DMD: variants seen among roughly 807,000 people sequenced by gnomAD.
DMD encodes the protein dystrophin, also known as mutant dystrophin.
Under a neutral mutation model 330.1 loss-of-function variants are expected in DMD, and 63 were observed. The ratio of observed to expected loss-of-function variants is 0.19; its 90% CI spans 0.16 to 0.24. The LOEUF (loss-of-function observed/expected upper bound fraction) is 0.24, where lower values mean the gene tolerates loss of function less well. Among genes scored for constraint, DMD ranks in the 10% least tolerant of loss-of-function variants. The pLI is 1.00. For synonymous variants in DMD, 1,223 were observed against 959.8 expected, an observed-to-expected ratio of 1.27 and a Z score of -5.07; for missense variants, 3,344 against 2,684.1, an observed-to-expected ratio of 1.25 and a Z score of -5.43.
intron 9 of DMD, among the ~76,000 whole-genome samples, chrX:32,680,013 C>A (rs1417588400): frequency 8.6e-5 from 8 of 93,165 alleles, no homozygotes; most frequent in African/African-American, 3.2e-4. Flanking sequence ...CTCTGGGGTT[C>A]AAGCGATTCT....
chrX:33,289,057 T>A (rs1463800752), intron 1 of DMD, among the ~76,000 whole-genome samples: 2 of 111,188 alleles, frequency 1.8e-5, no homozygotes, highest in African/African-American at 6.5e-5. Flanking sequence ...CTGTCAATTT[T>A]GAACAACAAA....
At chrX:31,664,177 C>T (rs1462760213) in intron 53 of DMD, among the ~76,000 whole-genome samples, 1 of 111,268 alleles carries the variant, frequency 9.0e-6, no homozygotes, top group African/African-American at 3.3e-5. Flanking sequence ...TTTTGCACTT[C>T]ACCATTACCT....
chrX:33,003,702 T>G (rs2093337533), intron 2 of DMD, among the ~76,000 whole-genome samples: 1 of 112,060 alleles, frequency 8.9e-6, no homozygotes, highest in Non-Finnish European at 1.9e-5. Flanking sequence ...ATATAAATAG[T>G]CTCTGAATAA....
chrX:31,473,388 G>C (rs1236597360), intron 59 of DMD, among the ~76,000 whole-genome samples: 3 of 101,084 alleles, frequency 3.0e-5, no homozygotes, highest in African/African-American at 1.1e-4. Flanking sequence ...ATTAAAAAAA[G>C]AGAAACCATG....
At chrX:32,581,078 G>A (rs948860427) in intron 13 of DMD, among the ~76,000 whole-genome samples, 3 of 111,439 alleles carry the variant, frequency 2.7e-5, no homozygotes, top group Admixed American at 1.9e-4. Context: ...TGCCCGCCTC[G>A]GCCTCGCAAA....
At position 32,207,627 on chromosome X, in the gene DMD, T is replaced by C. The variant is rs2097075808; in HGVS notation, c.6438+9289A>G. On this transcript the variant is annotated intron_variant, in intron 44 of 78. Coordinates refer to ENST00000357033, the MANE Select transcript of DMD (RefSeq NM_004006.3). ...TCTTCAATGAAATTATCTTGCGTGG[T>C]CATGTACTCGTTAAATTGCCCTGAC... Among the ~76,000 whole-genome samples, 4 of 112,104 alleles carry C rather than the reference T, an allele frequency of 3.6e-5. No homozygotes were observed. In the South Asian group the frequency reaches 1.5e-3, roughly 42 times the overall value.
At chrX:32,731,991 G>T (rs979374976) in intron 7 of DMD, among the ~76,000 whole-genome samples, 2 of 111,391 alleles carry the variant, frequency 1.8e-5, no homozygotes, top group African/African-American at 6.5e-5. Context: ...TCAAACCAAA[G>T]GCAAAGAAGT....
rs752346201 is a variant in DMD at position 31,456,876 on chromosome X, G to GTGTGTATATATA, written c.8938-12250_8938-12249insTATATATACACA. Among the ~76,000 whole-genome samples, 5 of 68,695 alleles carry GTGTGTATATATA rather than the reference G, an allele frequency of 7.3e-5. No individual in the cohort carries two copies. In the East Asian group the frequency reaches 1.3e-3, roughly 18 times the overall value. The allele number at this position is 68,695 out of a possible 115,157, so 59.7% of individuals were successfully genotyped here. ...TGTGTGTGTGTGTGTGTGTGTGTGT[G>GTGTGTATATATA]TATATATATATATATTATATACCTA... On this transcript the variant is annotated intron_variant, in intron 59 of 78. Coordinates refer to ENST00000357033, the MANE Select transcript of DMD (RefSeq NM_004006.3).
intron 11 of DMD, among the ~76,000 whole-genome samples, chrX:32,629,848 G>A (rs1387651087): frequency 9.3e-6 from 1 of 107,869 alleles, no homozygotes; most frequent in Non-Finnish European, 1.9e-5. Flanking sequence ...CACTCTTTTT[G>A]TTGTTTCTAT....
At chrX:32,927,363 CTTTTTTTTT>C (rs536073565) in intron 2 of DMD, among the ~76,000 whole-genome samples, 3 of 57,006 alleles carry the variant, frequency 5.3e-5, no homozygotes, top group African/African-American at 6.8e-5. Context: ...TTCTTTCTTT[CTTTTTTTTT>C]TTTTTTTTTT....
chrX:32,405,630 T>C (rs150365046), intron 30 of DMD, among the ~76,000 whole-genome samples: 1 of 111,753 alleles, frequency 8.9e-6, no homozygotes, highest in Non-Finnish European at 1.9e-5. Flanking sequence ...GTGGTACCAG[T>C]ACCATGCTGT....
chrX:31,517,733 T>C (rs768151941), intron 55 of DMD, among the ~76,000 whole-genome samples: 163 of 110,985 alleles, frequency 1.5e-3, no homozygotes, highest in Non-Finnish European at 2.3e-3. Context: ...GCTACCATCA[T>C]TGAGTGCTCA....
chrX:32,591,883 C>G (rs2054953217), intron 13 of DMD, among the ~76,000 whole-genome samples: 1 of 113,015 alleles, frequency 8.8e-6, no homozygotes, highest in Non-Finnish European at 1.9e-5. Flanking sequence ...TCCTCGCTCC[C>G]CGCACTGGCT....
intron 2 of DMD, among the ~76,000 whole-genome samples, chrX:33,010,073 A>ATATATACGTGTATATACACAC: frequency 1.9e-5 from 1 of 53,689 alleles, no homozygotes; most frequent in East Asian, 8.9e-4. Flanking sequence ...TATATACACA[A>ATATATACGTGTATATACACAC]ATGTGCACAT....
chrX:31,191,426 A>C (rs961676766), intron 67 of DMD, among the ~76,000 whole-genome samples: 32 of 111,326 alleles, frequency 2.9e-4, no homozygotes, highest in African/African-American at 8.2e-4. Context: ...CTGTGTCCCC[A>C]CCCAAATCTC....
chrX:32,518,012 ACTTTTT>A lies in DMD; in HGVS notation c.2282_2287del (p.Glu761_Lys762del). On this transcript the variant is annotated inframe_deletion, in exon 18 of 79. Coordinates refer to ENST00000357033, the MANE Select transcript of DMD (RefSeq NM_004006.3). ...AAAAATTAATGCATAACCTACATTGACTTTTTCTTTTAAGTCTGAGAAGTTGCCTTC... is the reference window on the plus strand; with the variant it reads ...AAAAATTAATGCATAACCTACATTGACTTTTAAGTCTGAGAAGTTGCCTTC... 1.7e-6 allele frequency: 2 copies of A among 1,211,009 alleles called. No individual in the cohort carries two copies. Among genetic ancestry groups the A allele is most frequent in the Non-Finnish European group, 2.2e-6 (2 of 894,825 alleles).
chrX:33,192,854 C>A (rs950818913), intron 1 of DMD, among the ~76,000 whole-genome samples: 1 of 111,954 alleles, frequency 8.9e-6, no homozygotes, highest in Non-Finnish European at 1.9e-5. Flanking sequence ...AATACTCTTA[C>A]CTTGCGACTT....
chrX:32,510,893 C>A (rs1351788951), intron 18 of DMD, among the ~76,000 whole-genome samples: 1 of 110,741 alleles, frequency 9.0e-6, no homozygotes, highest in Admixed American at 9.5e-5. Flanking sequence ...GAAAGAGTAC[C>A]ATATACAATC....
chrX:32,593,554 A>G (rs1303501588), intron 13 of DMD, among the ~76,000 whole-genome samples: 1 of 111,460 alleles, frequency 9.0e-6, no homozygotes, highest in Non-Finnish European at 1.9e-5. Context: ...CCATTGTTCC[A>G]GGGTTCCAAG....
Sources: allele counts gnomAD v4.1 joint callset (sites outside exome capture counted in the v4.1 genomes callset), GRCh38; gene constraint gnomAD v4.1.1; transcripts MANE v1.5; gene names NCBI Gene and HGNC (gene_info 2026-07-23, HGNC 2026-07-21).